Variants in PRICKLE2 observed in about 807,000 individuals in gnomAD.
PRICKLE2 encodes prickle planar cell polarity protein 2.
PRICKLE2 carries 21 observed loss-of-function variants against 81.4 expected under a neutral mutation model. The ratio of observed to expected loss-of-function variants is 0.26; its 90% confidence interval spans 0.18 to 0.37. The LOEUF (loss-of-function observed/expected upper bound fraction) is 0.37, where lower values mean the gene tolerates loss of function less well. PRICKLE2 is among the 10% of genes least tolerant of loss of function. The probability of loss-of-function intolerance (pLI) is 1.00; values close to 1 mark genes in which losing one functional copy is unlikely to be tolerated. For synonymous variants in PRICKLE2, 456 were observed against 421.5 expected (o/e 1.08, Z -1.00); for missense variants, 940 against 1,109.0 (o/e 0.85, Z 2.16).
chr3:64,137,745 G>A (rs1432587), intron 7 of PRICKLE2, among the ~76,000 whole-genome samples: 89,292 of 151,498 alleles, frequency 0.59, 26,671 homozygotes, highest in East Asian at 0.86. Context: ...AACGAGGGAT[G>A]GATTCTCCTG....
chr3:64,093,126 CT>C lies in PRICKLE2; in HGVS notation c.*5924del. The C allele has an allele frequency of 1.7e-5, 3 of 177,898 alleles. No individual in the cohort carries two copies. Among genetic ancestry groups the C allele is most frequent in the African/African-American group, 2.4e-5 (1 of 42,292 alleles). 11.0% of individuals were successfully genotyped at this position (177,898 alleles called of 1,614,324 possible). Reference sequence around the variant, plus strand: ...CAGATAAATGGAATCATACACTTGTCTTTTTGTGACTGGCTTATCTCACTTA... The same window carrying C: ...CAGATAAATGGAATCATACACTTGTCTTTTGTGACTGGCTTATCTCACTTA... On this transcript the variant is annotated 3_prime_UTR_variant, in exon 8 of 8. Transcript: ENST00000638394.
At chr3:64,152,997 A>G (rs1484801348) in intron 6 of PRICKLE2, among the ~76,000 whole-genome samples, 185 bp downstream of exon 6, 1 of 152,072 alleles carries the variant, frequency 6.6e-6, no homozygotes, top group Non-Finnish European at 1.5e-5. Flanking sequence ...CCCTTGATCC[A>G]CCCCTATCTG....
At chr3:64,252,434 C>T (rs1296883300) in intron 2 of PRICKLE2, among the ~76,000 whole-genome samples, 5 of 152,230 alleles carry the variant, frequency 3.3e-5, no homozygotes, top group African/African-American at 1.2e-4. Context: ...GAAAATTGAA[C>T]ATAAAATTGG....
At chr3:64,216,655 G>C (rs1390667775) in intron 1 of PRICKLE2, among the ~76,000 whole-genome samples, 1 of 152,210 alleles carries the variant, frequency 6.6e-6, no homozygotes, top group East Asian at 1.9e-4. Flanking sequence ...TAGGCAGCTG[G>C]TTAGGCAGCC....
chr3:64,253,676 G>T (rs1412359189), intron 2 of PRICKLE2, among the ~76,000 whole-genome samples: 2 of 152,152 alleles, frequency 1.3e-5, no homozygotes, highest in Non-Finnish European at 2.9e-5. Context: ...GACGGAATCT[G>T]CAATCTCTCA....
intron 2 of PRICKLE2, among the ~76,000 whole-genome samples, chr3:64,177,032 A>C (rs541216522): frequency 6.6e-6 from 1 of 151,998 alleles, no homozygotes; most frequent in Non-Finnish European, 1.5e-5. Context: ...AATATCTCAA[A>C]CACCACCAAA....
chr3:64,219,888 T>C (rs1016606953), intron 1 of PRICKLE2, among the ~76,000 whole-genome samples: 1 of 152,206 alleles, frequency 6.6e-6, no homozygotes, highest in African/African-American at 2.4e-5. Context: ...GGAGTCCTGA[T>C]TTCTCAATTA....
At position 64,092,376 on chromosome 3, in the gene PRICKLE2, G is replaced by A. The variant is rs2076521026; in HGVS notation, c.*6675C>T. 1 of 152,200 alleles carries A rather than the reference G, an allele frequency of 6.6e-6. No individual in the cohort carries two copies. The highest frequency in any genetic ancestry group is 2.4e-5 in the African/African-American group (1 of 41,438). The allele number at this position is 152,200 out of a possible 1,614,324, so 9.4% of individuals were successfully genotyped here. On this transcript the variant is annotated 3_prime_UTR_variant, in exon 8 of 8. Transcript: ENST00000638394. Reference sequence around the variant, plus strand: ...CTTACTATTCCGAATGTCTTGCCTAGTTGAAAGTAAAGTTTGTAAACTCCT... The same window carrying A: ...CTTACTATTCCGAATGTCTTGCCTAATTGAAAGTAAAGTTTGTAAACTCCT...
chr3:64,148,401 G>A (rs758712912), intron 6 of PRICKLE2, among the ~76,000 whole-genome samples: 3 of 152,108 alleles, frequency 2.0e-5, no homozygotes, highest in Admixed American at 6.6e-5. Context: ...TCTCTCCCCC[G>A]CTAAAAGTGA....
chr3:64,141,648 GT>G (rs1441981126), intron 7 of PRICKLE2, among the ~76,000 whole-genome samples: 13 of 152,188 alleles, frequency 8.5e-5, no homozygotes, highest in African/African-American at 2.9e-4. Context: ...GATGAATTGT[GT>G]TTTCCAAGGA....
chr3:64,148,671 G>A (rs2077495996), intron 6 of PRICKLE2, among the ~76,000 whole-genome samples: 1 of 152,218 alleles, frequency 6.6e-6, no homozygotes. Context: ...ACTAGGTCAT[G>A]AGAGTGGATA....
intron 2 of PRICKLE2, among the ~76,000 whole-genome samples, chr3:64,189,425 T>A (rs1380428143): frequency 6.6e-6 from 1 of 152,196 alleles, no homozygotes; most frequent in Non-Finnish European, 1.5e-5. Context: ...AAGTCTGCTT[T>A]CTTGGATCTG....
At chr3:64,114,499 G>A (rs2076902999) in intron 7 of PRICKLE2, among the ~76,000 whole-genome samples, 1 of 152,084 alleles carries the variant, frequency 6.6e-6, no homozygotes, top group Non-Finnish European at 1.5e-5. Context: ...GGAGCTGACA[G>A]ACAAAATAGC....
intron 2 of PRICKLE2, among the ~76,000 whole-genome samples, chr3:64,234,110 T>C (rs576523311): frequency 2.6e-5 from 4 of 152,196 alleles, no homozygotes; most frequent in Non-Finnish European, 5.9e-5. Flanking sequence ...TGATTATAAA[T>C]AATGCTACTA....
chr3:64,224,991 C>A lies in PRICKLE2; in HGVS notation c.-122G>T, dbSNP rs536662179. 220 of 985,316 alleles carry A rather than the reference C, an allele frequency of 2.2e-4. 1 individual carries two copies. Among genetic ancestry groups the A allele is most frequent in the Non-Finnish European group, 2.6e-4 (213 of 830,008 alleles). The allele number at this position is 985,316 out of a possible 1,614,324, so 61.0% of individuals were successfully genotyped here. ...CTTGTCAATTGTCCCAGTTCACTTT[C>A]TCCCTGGATCTGACTTCTAAGAACG... is the stretch of plus-strand genomic sequence containing the variant. On this transcript the variant is annotated 5_prime_UTR_variant, in exon 1 of 8. Coordinates refer to ENST00000638394, the MANE Select transcript of PRICKLE2 (RefSeq NM_198859.4).
chr3:64,219,886 G>C (rs2078925362), intron 1 of PRICKLE2, among the ~76,000 whole-genome samples: 1 of 152,202 alleles, frequency 6.6e-6, no homozygotes, highest in Admixed American at 6.5e-5. Context: ...CAGGAGTCCT[G>C]ATTTCTCAAT....
intron 2 of PRICKLE2, among the ~76,000 whole-genome samples, chr3:64,241,634 G>T (rs2079266469): frequency 6.6e-6 from 1 of 152,138 alleles, no homozygotes; most frequent in South Asian, 2.1e-4. Flanking sequence ...AGGGATGAGG[G>T]CCACAGCTCT....
chr3:64,194,284 C>A (rs1253708922), intron 2 of PRICKLE2: 2 of 152,346 alleles, frequency 1.3e-5, no homozygotes, highest in East Asian at 1.9e-4. Context: ...TACAAGGCAA[C>A]AACTGTTCTA....
chr3:64,174,993 G>C (rs1259075465), intron 2 of PRICKLE2: 1 of 170,812 alleles, frequency 5.9e-6, no homozygotes. Context: ...CTCCCAGTGG[G>C]CTAAAACGTG....
Sources: gnomAD v4.1 joint callset for allele counts (sites outside exome capture counted in the v4.1 genomes callset) on GRCh38, gnomAD v4.1.1 for gene constraint, MANE v1.5 for transcripts, NCBI Gene and HGNC (gene_info 2026-07-23, HGNC 2026-07-21) for gene names.